Variants in OR2T6 observed in about 807,000 individuals in gnomAD.
The protein encoded by OR2T6 is olfactory receptor 2T6.
For missense variants in OR2T6, 424 were observed against 391.6 expected (o/e 1.08, Z -0.70); for synonymous variants, 174 against 148.0 (o/e 1.18, Z -1.27).
intron 2 of OR2T6, among the ~76,000 whole-genome samples, chr1:248,386,971 C>T (rs1003424050): frequency 2.0e-5 from 3 of 152,146 alleles, no homozygotes; most frequent in Non-Finnish European, 1.5e-5. Flanking sequence ...ACAGTATCCC[C>T]AGAGCTTAGA....
chr1:248,376,551 T>G (rs1233717191), intron 1 of OR2T6, among the ~76,000 whole-genome samples: 1 of 152,222 alleles, frequency 6.6e-6, no homozygotes, highest in Admixed American at 6.5e-5. Context: ...GAGTCACCAG[T>G]TGGGCATCAA....
At position 248,376,050 on chromosome 1, in the gene OR2T6, T is replaced by C. The variant is rs1016119974; in HGVS notation, c.-163T>C. The C allele has an allele frequency of 5.3e-5, 8 of 152,224 alleles. No homozygotes were observed. Among genetic ancestry groups the C allele is most frequent in the African/African-American group, 1.7e-4 (7 of 41,442 alleles). 9.4% of individuals were successfully genotyped at this position (152,224 alleles called of 1,614,324 possible). A position where few individuals can be genotyped will look rare whatever the true frequency, so the allele number is the denominator to read the frequency against. On this transcript the variant is annotated 5_prime_UTR_variant, in exon 1 of 3. Coordinates refer to ENST00000641644, the MANE Select transcript of OR2T6 (RefSeq NM_001005471.2). ...TTCCTCTCTCTGGATATATTATACC[T>C]GTAAGTGATCCACTATCATCAACTT...
Position 248,390,084 on chromosome 1 carries a change from T to A in OR2T6, c.*1549T>A, listed in dbSNP as rs759951750. 6.6e-6 allele frequency: 1 copy of A among 152,198 alleles called. No homozygotes were observed. The highest frequency in any genetic ancestry group is 1.5e-5 in the Non-Finnish European group (1 of 68,032). The allele number at this position is 152,198 out of a possible 1,614,324, so 9.4% of individuals were successfully genotyped here. A position where few individuals can be genotyped will look rare whatever the true frequency, so the allele number is the denominator to read the frequency against. ...AACTGATCATGGAAGAGTGTGCTTG[T>A]TTGAGTCCTTATCTGGTTGGATACA... On this transcript the variant is annotated 3_prime_UTR_variant, in exon 3 of 3. Coordinates refer to ENST00000641644, the MANE Select transcript of OR2T6 (RefSeq NM_001005471.2).
At chr1:248,383,681 G>T (rs111997820) in intron 1 of OR2T6, among the ~76,000 whole-genome samples, 2 of 61,120 alleles carry the variant, frequency 3.3e-5, no homozygotes, top group East Asian at 5.3e-4. Context: ...CACTGCACTA[G>T]CCTGAGTGTG....
Position 248,388,640 on chromosome 1 carries a change from AG to A in OR2T6, c.*107del, listed in dbSNP as rs767757663. The A allele has an allele frequency of 1.2e-5, 10 of 834,848 alleles. No individual in the cohort carries two copies. The South Asian group carries it at 1.2e-4, about 10-fold the overall frequency. The allele number at this position is 834,848 out of a possible 1,614,324, so 51.7% of individuals were successfully genotyped here. A position where few individuals can be genotyped will look rare whatever the true frequency, so the allele number is the denominator to read the frequency against. ...CATGGATACCACGGATGATGCTGAC[AG>A]GAACTTTCAATACCAGCTGTGCTAA... On this transcript the variant is annotated 3_prime_UTR_variant, in exon 3 of 3. Transcript: ENST00000641644.
Position 248,377,759 on chromosome 1 carries a change from A to G in OR2T6, c.-159+1705A>G, listed in dbSNP as rs139464614. On this transcript the variant is annotated intron_variant, in intron 1 of 2. Coordinates refer to ENST00000641644, the MANE Select transcript of OR2T6 (RefSeq NM_001005471.2). ...GGTAAAGTGTATTCCTGATTCTTCA[A>G]TCTCCATTCAGTTCAGCAAAATCTC... Among the ~76,000 whole-genome samples, 9 of 152,284 alleles carry G rather than the reference A, an allele frequency of 5.9e-5. No individual in the cohort carries two copies. In the East Asian group the frequency reaches 1.2e-3, roughly 20 times the overall value.
intron 2 of OR2T6, among the ~76,000 whole-genome samples, chr1:248,386,080 G>A (rs926708262): frequency 5.3e-5 from 8 of 152,196 alleles, no homozygotes; most frequent in African/African-American, 1.4e-4. Flanking sequence ...ACTCCAAAAC[G>A]GTGTTCTGGA....
At position 248,388,237 on chromosome 1, in the gene OR2T6, C is replaced by T; in HGVS notation, c.629C>T (p.Pro210Leu). ...YVCCVAMLLIPFSVVTASYTR... is the reference protein window; with the variant it reads ...YVCCVAMLLILFSVVTASYTR... ...TGCTGCGTTGCAATGCTGCTGATCC[C>T]CTTCTCGGTGGTGACTGCATCCTAC... Residue 210 changes from proline (P) to leucine (L), a missense_variant, in exon 3 of 3, where the codon CCC becomes CTC. Transcript: ENST00000641644. 1 of 1,614,000 alleles carries T rather than the reference C, an allele frequency of 6.2e-7. No individual in the cohort carries two copies. Among genetic ancestry groups the T allele is most frequent in the African/African-American group, 1.3e-5 (1 of 74,960 alleles).
intron 1 of OR2T6, among the ~76,000 whole-genome samples, chr1:248,382,100 G>A (rs1661044478): frequency 6.6e-6 from 1 of 150,648 alleles, no homozygotes; most frequent in Non-Finnish European, 1.5e-5. Context: ...ACAATTTGGT[G>A]GTGGAGAAAG....
At position 248,387,723 on chromosome 1, in the gene OR2T6, A is replaced by G. The variant is rs1384767584; in HGVS notation, c.115A>G (p.Met39Val). The change falls in exon 3 of 3, where the codon ATG becomes GTG. Residue 39 changes from methionine to valine, a missense_variant. Transcript: ENST00000641644. ...CATTTGTGCCGTCTTCTTCATGGCC[A>G]TGATAGCTAATGGGGTCATGATCTT... ...GVICAVFFMA[M>V]IANGVMIFLI... The G allele has an allele frequency of 3.0e-5, 48 of 1,613,744 alleles. 1 individual carries two copies. In the Admixed American group the frequency reaches 6.7e-4, roughly 22 times the overall value.
intron 1 of OR2T6, among the ~76,000 whole-genome samples, chr1:248,384,497 C>G (rs6698168): frequency 0.011 from 299 of 26,158 alleles, no homozygotes; most frequent in Middle Eastern, 0.042. Context: ...CACTGCACTA[C>G]CCTGAGTGTG....
rs891459208 is a variant in OR2T6, at chr1:248,389,384, T to A, written c.*849T>A. Reference sequence around the variant, plus strand: ...TACCAACTTTTCTCTTTTAAAAAAGTAGTAGACAGCGTCATATTTTTCCTT... The same window carrying A: ...TACCAACTTTTCTCTTTTAAAAAAGAAGTAGACAGCGTCATATTTTTCCTT... On this transcript the variant is annotated 3_prime_UTR_variant, in exon 3 of 3. Coordinates refer to ENST00000641644, the MANE Select transcript of OR2T6 (RefSeq NM_001005471.2). The A allele has an allele frequency of 6.6e-6, 1 of 152,214 alleles. No homozygotes were observed. The highest frequency in any genetic ancestry group is 6.5e-5 in the Admixed American group (1 of 15,286). 9.4% of individuals were successfully genotyped at this position (152,214 alleles called of 1,614,324 possible). A position where few individuals can be genotyped will look rare whatever the true frequency, so the allele number is the denominator to read the frequency against.
At chr1:248,382,436 A>T (rs1282971881) in intron 1 of OR2T6, among the ~76,000 whole-genome samples, 1 of 151,980 alleles carries the variant, frequency 6.6e-6, no homozygotes, top group African/African-American at 2.4e-5. Flanking sequence ...AATTTTTATT[A>T]ATAATTCTCT....
At chr1:248,377,962 A>T (rs1013540843) in intron 1 of OR2T6, among the ~76,000 whole-genome samples, 3 of 152,242 alleles carry the variant, frequency 2.0e-5, no homozygotes, top group Non-Finnish European at 4.4e-5. Flanking sequence ...TTTACATGAA[A>T]AGACAACTAA....
chr1:248,376,263 G>A (rs1026585451), intron 1 of OR2T6, among the ~76,000 whole-genome samples: 1 of 152,174 alleles, frequency 6.6e-6, no homozygotes, highest in African/African-American at 2.4e-5. Context: ...TAATTAAATC[G>A]AATGGGATTG....
chr1:248,388,307 G>T lies in OR2T6; in HGVS notation c.699G>T (p.Gly233=). The stretch of plus-strand genomic sequence containing the variant: ...TGCATCAGATGACATCGGCTGAAGG[G>T]AGGAAGAAGGCCTTTGCCACCTGCT... ...ITVHQMTSAE[G]RKKAFATCSS... Residue 233 remains glycine (G), a synonymous_variant, in exon 3 of 3, where the codon GGG becomes GGT. Transcript: ENST00000641644. 1 of 1,613,856 alleles carries T rather than the reference G, an allele frequency of 6.2e-7. No individual in the cohort carries two copies. The highest frequency in any genetic ancestry group is 8.5e-7 in the Non-Finnish European group (1 of 1,179,862).
At chr1:248,376,897 A>G (rs1029439965) in intron 1 of OR2T6, among the ~76,000 whole-genome samples, 2 of 152,162 alleles carry the variant, frequency 1.3e-5, no homozygotes, top group Non-Finnish European at 2.9e-5. Flanking sequence ...CATAAGTGCC[A>G]CTCACTTATT....
intron 1 of OR2T6, among the ~76,000 whole-genome samples, chr1:248,383,502 A>G (rs374929148): frequency 0.036 from 1,546 of 42,772 alleles, no homozygotes; most frequent in Non-Finnish European, 0.077. Flanking sequence ...TCCTATCCTG[A>G]TGTGTTTCCT....
intron 2 of OR2T6, among the ~76,000 whole-genome samples, chr1:248,385,108 G>A (rs1482970378): frequency 3.3e-5 from 5 of 152,092 alleles, no homozygotes; most frequent in African/African-American, 1.2e-4. Context: ...GGGTAAGAAT[G>A]GGGAAAGCAG....
Sources: gnomAD v4.1 joint callset for allele counts (sites outside exome capture counted in the v4.1 genomes callset) on GRCh38, gnomAD v4.1.1 for gene constraint, MANE v1.5 for transcripts, NCBI Gene and HGNC (gene_info 2026-07-23, HGNC 2026-07-21) for gene names.